The following COL4A2 variants were observed in gnomAD, a reference collection of about 807,000 sequenced individuals.
COL4A2 encodes the protein collagen type IV alpha 2 chain.
A neutral mutation model predicts 200.2 loss-of-function variants in COL4A2; 99 were observed. The observed-to-expected ratio is 0.49, with a 90% confidence interval of 0.42 to 0.58. COL4A2 has a LOEUF of 0.58. Among genes scored for constraint, COL4A2 ranks in the 20% least tolerant of loss-of-function variants. The pLI is 0.00. For missense variants in COL4A2, 1,950 were observed against 2,314.1 expected, an observed-to-expected ratio of 0.84 and a Z score of 3.23; for synonymous variants, 897 against 900.6, an observed-to-expected ratio of 1.00 and a Z score of 0.07.
At chr13:110,365,171 C>T (rs1055583118) in intron 4 of COL4A2, among the ~76,000 whole-genome samples, 3 of 151,632 alleles carry the variant, frequency 2.0e-5, no homozygotes, top group Non-Finnish European at 2.9e-5. Flanking sequence ...GGCGGAGTTT[C>T]GCTCTTGTTG....
chr13:110,378,315 A>G (rs924789863), intron 4 of COL4A2, among the ~76,000 whole-genome samples: 2 of 152,228 alleles, frequency 1.3e-5, no homozygotes, highest in African/African-American at 4.8e-5. Context: ...ACAAGGGAGG[A>G]CAAAAGTTTT....
rs369506338 is a variant in COL4A2 at position 110,450,422 on chromosome 13, C to T, written c.1307C>T (p.Pro436Leu). ...GPDGKRGPPG[P>L]PGLPGPPGPD... ...GATGGAAAGCGAGGGCCTCCAGGAC[C>T]CCCCGGGCTCCCTGGACCACCTGGA... Residue 436 changes from proline to leucine, a missense_variant, in exon 20 of 48, where the codon CCC becomes CTC. By Grantham distance (98) the Pro-to-Leu change is moderately conservative. Coordinates refer to ENST00000360467, the MANE Select transcript of COL4A2 (RefSeq NM_001846.4). The T allele has an allele frequency of 3.5e-5, 56 of 1,613,812 alleles. No individual in the cohort carries two copies. Among genetic ancestry groups the T allele is most frequent in the Non-Finnish European group, 4.7e-5 (56 of 1,179,974 alleles).
chr13:110,320,375 A>G (rs1309407935), intron 3 of COL4A2, among the ~76,000 whole-genome samples: 3 of 152,186 alleles, frequency 2.0e-5, no homozygotes, highest in Non-Finnish European at 4.4e-5. Context: ...CTCTCCAACA[A>G]GAGTGATTTG....
intron 4 of COL4A2, among the ~76,000 whole-genome samples, chr13:110,412,578 A>G (rs1341925219): frequency 6.6e-6 from 1 of 152,208 alleles, no homozygotes; most frequent in Admixed American, 6.5e-5. Flanking sequence ...AGCATTAAAC[A>G]TCTTCCTTTT....
intron 28 of COL4A2, among the ~76,000 whole-genome samples, chr13:110,470,103 C>T (rs1042460692): frequency 1.3e-5 from 2 of 151,694 alleles, no homozygotes; most frequent in Non-Finnish European, 2.9e-5. Context: ...TCAGTAGAGA[C>T]GGGGATTTCA....
At chr13:110,327,281 A>G (rs771986380) in intron 3 of COL4A2, among the ~76,000 whole-genome samples, 1 of 152,112 alleles carries the variant, frequency 6.6e-6, no homozygotes, top group Non-Finnish European at 1.5e-5. Flanking sequence ...TTACCCCTCC[A>G]CTGGCTTGCT....
intron 4 of COL4A2, among the ~76,000 whole-genome samples, chr13:110,375,049 A>C (rs1594177140): frequency 6.6e-6 from 1 of 152,280 alleles, no homozygotes; most frequent in East Asian, 1.9e-4. Flanking sequence ...TACTCCAATA[A>C]GGCACATAGA....
chr13:110,384,522 C>T (rs1373399761), intron 4 of COL4A2, among the ~76,000 whole-genome samples: 2 of 152,218 alleles, frequency 1.3e-5, no homozygotes, highest in Non-Finnish European at 2.9e-5. Context: ...CCTGCTCCTC[C>T]AACAAGGCCA....
intron 4 of COL4A2, among the ~76,000 whole-genome samples, chr13:110,410,344 T>C (rs1311169899): frequency 6.6e-6 from 1 of 152,240 alleles, no homozygotes; most frequent in Non-Finnish European, 1.5e-5. Context: ...GTCAAATGTA[T>C]GTTTAGATAC....
intron 6 of COL4A2, among the ~76,000 whole-genome samples, chr13:110,426,017 A>G (rs1193536245): frequency 2.0e-5 from 3 of 152,234 alleles, no homozygotes; most frequent in African/African-American, 2.4e-5. Flanking sequence ...TCAAACAGGC[A>G]CTTGGGTTTA....
chr13:110,472,943 C>A lies in COL4A2; in HGVS notation c.2218C>A (p.Arg740=). 1.3e-6 allele frequency: 2 copies of A among 1,556,900 alleles called. No homozygotes were observed. Among genetic ancestry groups the A allele is most frequent in the East Asian group, 2.4e-5 (1 of 41,574 alleles). Residue 740 remains arginine (R), a synonymous_variant, in exon 29 of 48, where the codon CGA becomes AGA. Transcript: ENST00000360467. The part of the protein sequence containing the change: ...FPGPPGFIGP[R]GSKGAVGLPG... Reference sequence around the variant, plus strand: ...TTTCCTTTTAGGGTTCATAGGACCCCGAGGATCCAAAGGTGCAGTGGGCCT... The same window carrying A: ...TTTCCTTTTAGGGTTCATAGGACCCAGAGGATCCAAAGGTGCAGTGGGCCT...
chr13:110,379,617 G>A (rs1249858315), intron 4 of COL4A2, among the ~76,000 whole-genome samples: 1 of 152,154 alleles, frequency 6.6e-6, no homozygotes, highest in African/African-American at 2.4e-5. Context: ...GTGTCAGGCG[G>A]GTGCACAGAC....
intron 4 of COL4A2, among the ~76,000 whole-genome samples, chr13:110,373,919 A>G (rs1878124727): frequency 6.6e-6 from 1 of 152,244 alleles, no homozygotes; most frequent in African/African-American, 2.4e-5. Context: ...CTTCAAGGAT[A>G]TAATGCAGCC....
Position 110,439,830 on chromosome 13 carries a change from G to A in COL4A2, c.954G>A (p.Gln318=), listed in dbSNP as rs1881053361. The A allele has an allele frequency of 6.2e-7, 1 of 1,613,938 alleles. No individual in the cohort carries two copies. The stretch of plus-strand genomic sequence containing the variant: ...GTGGTGAAAAAGGATCACCAGGACA[G>A]AAGGTAAGTTGGATGCATGAACTGC... ...GLSGEKGSPG[Q]KGSRGLDGYQ... Residue 318 remains glutamine, a synonymous_variant, in exon 16 of 48, where the codon CAG becomes CAA. Transcript: ENST00000360467.
At chr13:110,435,576 T>C (rs1390894647) in intron 12 of COL4A2, among the ~76,000 whole-genome samples, 1 of 152,200 alleles carries the variant, frequency 6.6e-6, no homozygotes, top group Non-Finnish European at 1.5e-5. Flanking sequence ...GCTGTCCGTG[T>C]TATGTGATAT....
At chr13:110,327,892 A>C (rs1332079750) in intron 3 of COL4A2, among the ~76,000 whole-genome samples, 1 of 152,266 alleles carries the variant, frequency 6.6e-6, no homozygotes, top group Non-Finnish European at 1.5e-5. Flanking sequence ...GGTCACACAC[A>C]CAAAATGATT....
chr13:110,351,617 G>A (rs2139381574), intron 3 of COL4A2, among the ~76,000 whole-genome samples: 1 of 152,310 alleles, frequency 6.6e-6, no homozygotes, highest in Middle Eastern at 3.4e-3. Flanking sequence ...CACTAAAGAT[G>A]TCAAGAGCTT....
At chr13:110,440,536 C>T (rs1340943932) in intron 16 of COL4A2, among the ~76,000 whole-genome samples, 2 of 152,156 alleles carry the variant, frequency 1.3e-5, no homozygotes, top group Non-Finnish European at 2.9e-5. Flanking sequence ...GCAGAGGCTA[C>T]AGTGAGCCGA....
intron 3 of COL4A2, among the ~76,000 whole-genome samples, chr13:110,313,019 G>A (rs970080422): frequency 6.6e-6 from 1 of 152,200 alleles, no homozygotes; most frequent in Non-Finnish European, 1.5e-5. Flanking sequence ...TGCTGGGGAT[G>A]AGAAAGCCCT....
Sources: gnomAD v4.1 joint callset for allele counts (sites outside exome capture counted in the v4.1 genomes callset) on GRCh38, gnomAD v4.1.1 for gene constraint, MANE v1.5 for transcripts, NCBI Gene and HGNC (gene_info 2026-07-23, HGNC 2026-07-21) for gene names.